WLS: variants seen among roughly 807,000 people sequenced by gnomAD.
WLS encodes protein wntless homolog.
WLS carries 23 observed loss-of-function variants against 62.8 expected under a neutral mutation model. The observed-to-expected ratio is 0.37, with a 90% CI of 0.26 to 0.52. The LOEUF (loss-of-function observed/expected upper bound fraction) is 0.52, where lower values mean the gene tolerates loss of function less well. Ranked by LOEUF, WLS falls within the 20% of genes least tolerant of loss-of-function variation. WLS has a pLI of 0.92. For synonymous variants in WLS, 246 were observed against 244.1 expected, an observed-to-expected ratio of 1.01 and a Z score of -0.07; for missense variants, 615 against 697.3, an observed-to-expected ratio of 0.88 and a Z score of 1.33.
At chr1:68,098,536 G>A in exon 12 of WLS, 8 of 1,518,652 alleles carry the variant, frequency 5.3e-6, no homozygotes, top group Non-Finnish European at 7.1e-6. Context: ...TGAGATAAAG[G>A]CTAAATGAGT....
intron 11 of WLS, among the ~76,000 whole-genome samples, chr1:68,137,156 TCA>T (rs1270996747): frequency 6.6e-6 from 1 of 152,240 alleles, no homozygotes; most frequent in African/African-American, 2.4e-5. Context: ...TCTCTAGGCC[TCA>T]GTTTCTTTAT....
chr1:68,166,956 T>A (rs990265422), intron 2 of WLS, among the ~76,000 whole-genome samples: 1 of 152,030 alleles, frequency 6.6e-6, no homozygotes. Context: ...CATAAAAAAA[T>A]AGAAATCACA....
intron 11 of WLS, among the ~76,000 whole-genome samples, chr1:68,119,857 T>C (rs752132962): frequency 6.6e-6 from 1 of 152,336 alleles, no homozygotes; most frequent in South Asian, 2.1e-4. Context: ...ATAACTCCTA[T>C]CTTGGCTGTT....
intron 2 of WLS, among the ~76,000 whole-genome samples, chr1:68,163,500 C>G (rs996956714): frequency 1.3e-5 from 2 of 152,020 alleles, no homozygotes; most frequent in Admixed American, 6.5e-5. Context: ...CGCTCCCGAG[C>G]CACCTTAAAA....
At chr1:68,098,622 C>T (rs1646037819) in exon 12 of WLS, 2 of 1,613,162 alleles carry the variant, frequency 1.2e-6, no homozygotes, top group Non-Finnish European at 1.7e-6. Context: ...ACATGTGTTG[C>T]CTTGTTGACT....
At chr1:68,119,275 T>C (rs1168320314) in intron 11 of WLS, among the ~76,000 whole-genome samples, 4 of 152,234 alleles carry the variant, frequency 2.6e-5, no homozygotes, top group Non-Finnish European at 5.9e-5. Flanking sequence ...TCTACACATA[T>C]ATGCATGGAA....
intron 2 of WLS, among the ~76,000 whole-genome samples, chr1:68,170,094 T>C (rs1647124116): frequency 6.6e-6 from 1 of 151,496 alleles, no homozygotes; most frequent in South Asian, 2.1e-4. Context: ...AATGAGATAA[T>C]GGGTGCCAAG....
intron 2 of WLS, chr1:68,176,400 C>T (rs1453310638): frequency 7.2e-6 from 1 of 138,224 alleles, no homozygotes; most frequent in Non-Finnish European, 1.6e-5. Context: ...GATGCCCTCC[C>T]GTTGGGAAAA....
intron 11 of WLS, among the ~76,000 whole-genome samples, chr1:68,099,254 C>T (rs1051707005): frequency 6.6e-6 from 1 of 151,894 alleles, no homozygotes; most frequent in Non-Finnish European, 1.5e-5. Flanking sequence ...TTTTGGTGAA[C>T]TGCAAAGAGA....
chr1:68,226,981 C>T (rs547552818), intron 1 of WLS, among the ~76,000 whole-genome samples: 1 of 152,114 alleles, frequency 6.6e-6, no homozygotes, highest in African/African-American at 2.4e-5. Flanking sequence ...AGGCAGGGAA[C>T]CTGAAAACCT....
At chr1:68,109,310 T>A (rs1204094834) in intron 11 of WLS, among the ~76,000 whole-genome samples, 2 of 152,208 alleles carry the variant, frequency 1.3e-5, no homozygotes, top group Non-Finnish European at 2.9e-5. Context: ...TCAATTTGGG[T>A]CCTTAGATTT....
intron 7 of WLS, 24 bp from the exon 8 acceptor site, chr1:68,148,223 G>A (rs1570891434): frequency 1.2e-6 from 2 of 1,612,148 alleles, no homozygotes; most frequent in East Asian, 2.2e-5. Flanking sequence ...GAGATGGAAA[G>A]GCAAGACACA....
At chr1:68,105,925 T>G (rs1646137225) in intron 11 of WLS, among the ~76,000 whole-genome samples, 1 of 152,008 alleles carries the variant, frequency 6.6e-6, no homozygotes. Flanking sequence ...ATGGGATTGG[T>G]GTAAGGGTCT....
intron 1 of WLS, among the ~76,000 whole-genome samples, chr1:68,220,622 G>A (rs1377383521): frequency 1.3e-5 from 2 of 152,180 alleles, no homozygotes; most frequent in Non-Finnish European, 2.9e-5. Flanking sequence ...ACTTTGAATG[G>A]AGAGATCAAG....
At chr1:68,210,220 G>A (rs1649457688) in intron 1 of WLS, among the ~76,000 whole-genome samples, 2 of 152,178 alleles carry the variant, frequency 1.3e-5, no homozygotes, top group African/African-American at 2.4e-5. Flanking sequence ...GGTAGCAGAG[G>A]TAAACTTAAC....
chr1:68,177,627 G>A (rs928888386), intron 2 of WLS, among the ~76,000 whole-genome samples: 1 of 152,126 alleles, frequency 6.6e-6, no homozygotes, highest in East Asian at 1.9e-4. Flanking sequence ...CCAAGCAGCT[G>A]GGACTACAGG....
At position 68,125,560 on chromosome 1, in the gene WLS, T is replaced by C; in HGVS notation, c.*666A>G. On this transcript the variant is annotated 3_prime_UTR_variant, in exon 12 of 12. Transcript: ENST00000262348. ...TCTTACTTGGGTAGTTTAGCAAACATTTTTTAAAACCCACATCCAACAGAT... is the reference window on the plus strand; with the variant it reads ...TCTTACTTGGGTAGTTTAGCAAACACTTTTTAAAACCCACATCCAACAGAT... 1 of 985,364 alleles carries C rather than the reference T, an allele frequency of 1.0e-6. No individual in the cohort carries two copies. The highest frequency in any genetic ancestry group is 1.7e-5 in the African/African-American group (1 of 57,372). The allele number at this position is 985,364 out of a possible 1,614,324, so 61.0% of individuals were successfully genotyped here. A position where few individuals can be genotyped will look rare whatever the true frequency, so the allele number is the denominator to read the frequency against.
At chr1:68,180,817 C>T (rs1402813343) in intron 2 of WLS, among the ~76,000 whole-genome samples, 1 of 152,176 alleles carries the variant, frequency 6.6e-6, no homozygotes, top group African/African-American at 2.4e-5. Context: ...ATCACCCCAA[C>T]ACAAGAGAGA....
intron 1 of WLS, among the ~76,000 whole-genome samples, chr1:68,195,634 C>T (rs982793478): frequency 6.6e-6 from 1 of 152,106 alleles, no homozygotes; most frequent in Non-Finnish European, 1.5e-5. Context: ...TTCTCCTAAA[C>T]TTTCCATCTG....
Sources: gnomAD v4.1 joint callset for allele counts (sites outside exome capture counted in the v4.1 genomes callset) on GRCh38, gnomAD v4.1.1 for gene constraint, MANE v1.5 for transcripts, NCBI Gene and HGNC (gene_info 2026-07-23, HGNC 2026-07-21) for gene names.